Variants in RASAL2 observed in about 807,000 individuals in gnomAD.
The protein encoded by RASAL2 is RAS protein activator like 2, also known as ras GTPase-activating protein nGAP.
A neutral mutation model predicts 128.9 loss-of-function variants in RASAL2; 58 were observed. The ratio of observed to expected loss-of-function variants is 0.45; its 90% confidence interval spans 0.36 to 0.56. The LOEUF (loss-of-function observed/expected upper bound fraction) is 0.56. Ranked by LOEUF, RASAL2 falls within the 20% of genes least tolerant of loss-of-function variation. The probability of loss-of-function intolerance (pLI) is 0.00; values close to 1 mark genes in which losing one functional copy is unlikely to be tolerated. For missense variants in RASAL2, 1,360 were observed against 1,601.6 expected (o/e 0.85, Z 2.57); for synonymous variants, 561 against 580.8 (o/e 0.97, Z 0.49).
chr1:178,129,622 A>G (rs749033063), intron 1 of RASAL2, among the ~76,000 whole-genome samples: 1 of 152,066 alleles, frequency 6.6e-6, no homozygotes, highest in African/African-American at 2.4e-5. Context: ...TTCTTTTACA[A>G]TTGATGGTTT....
chr1:178,418,058 C>T (rs115959238), intron 4 of RASAL2, among the ~76,000 whole-genome samples: 195 of 152,142 alleles, frequency 1.3e-3, no homozygotes, highest in African/African-American at 4.6e-3. Flanking sequence ...GTACTAATGA[C>T]TGTGACTAAT....
chr1:178,116,509 T>A (rs1225797348), intron 1 of RASAL2, among the ~76,000 whole-genome samples: 1 of 152,114 alleles, frequency 6.6e-6, no homozygotes, highest in Non-Finnish European at 1.5e-5. Context: ...ATTATTTAGG[T>A]TATTAACCAT....
rs1558141859 is a variant in RASAL2, at chr1:178,250,420, AACCCC to A, written c.203-33140_203-33136del. Among the ~76,000 whole-genome samples the A allele has an allele frequency of 2.1e-4, 32 of 152,284 alleles. No homozygotes were observed. In the East Asian group the frequency reaches 5.8e-3, roughly 28 times the overall value. On this transcript the variant is annotated intron_variant, in intron 1 of 17. Coordinates refer to ENST00000367649, the MANE Select transcript of RASAL2 (RefSeq NM_170692.4). ...AAGCCTCAGCAATGGCGGACGCCCC[AACCCC>A]ACCAAGCTTGATCATCCCAGGTCGA...
intron 3 of RASAL2, among the ~76,000 whole-genome samples, chr1:178,355,855 A>G (rs1670776437): frequency 6.6e-6 from 1 of 152,218 alleles, no homozygotes; most frequent in Non-Finnish European, 1.5e-5. Flanking sequence ...GCTCAGCCTT[A>G]TCAAGGAATC....
In RASAL2 at chr1:178,155,533, A is replaced by G. The variant is rs568442459; in HGVS notation, c.202+60839A>G. On this transcript the variant is annotated intron_variant, in intron 1 of 17. Transcript: ENST00000367649. ...AGTTATAATTTACATTGCCTTAAAA[A>G]AAATCTGTTACTGTCTTCCAGGGAA... Among the ~76,000 whole-genome samples, 25 of 152,212 alleles carry G rather than the reference A, an allele frequency of 1.6e-4. No individual in the cohort carries two copies. The East Asian group carries it at 4.8e-3, about 29-fold the overall frequency.
intron 1 of RASAL2, among the ~76,000 whole-genome samples, chr1:178,157,919 A>T (rs1401575023): frequency 6.6e-5 from 10 of 152,148 alleles, no homozygotes; most frequent in Admixed American, 5.2e-4. Flanking sequence ...ACTGGTTTCA[A>T]CCCTACACAT....
chr1:178,198,352 C>T (rs1662746312), intron 1 of RASAL2, among the ~76,000 whole-genome samples: 1 of 152,202 alleles, frequency 6.6e-6, no homozygotes, highest in Non-Finnish European at 1.5e-5. Flanking sequence ...TCTCCACATC[C>T]TCTCCAGCAT....
At chr1:178,431,572 A>T (rs928584047) in intron 5 of RASAL2, among the ~76,000 whole-genome samples, 1 of 152,076 alleles carries the variant, frequency 6.6e-6, no homozygotes, top group Non-Finnish European at 1.5e-5. Context: ...GCAATTTCAC[A>T]TCTGAGAATT....
chr1:178,441,740 A>G, intron 7 of RASAL2, 93 bp downstream of exon 7: 3 of 928,100 alleles, frequency 3.2e-6, no homozygotes, highest in East Asian at 2.7e-5. Context: ...TAATTTGTCT[A>G]TAGCTTGAGA....
chr1:178,348,492 T>G (rs922736299), intron 3 of RASAL2, among the ~76,000 whole-genome samples: 12 of 151,986 alleles, frequency 7.9e-5, no homozygotes, highest in Non-Finnish European at 1.6e-4. Flanking sequence ...AAAGATGGGG[T>G]CTTGCTATCT....
intron 1 of RASAL2, among the ~76,000 whole-genome samples, chr1:178,242,689 T>G (rs1191952925): frequency 6.6e-6 from 1 of 152,114 alleles, no homozygotes; most frequent in African/African-American, 2.4e-5. Flanking sequence ...TTAGCTCTAC[T>G]TTCTTCTCTC....
chr1:178,452,890 A>G (rs1677484830), intron 11 of RASAL2, among the ~76,000 whole-genome samples: 2 of 152,206 alleles, frequency 1.3e-5, no homozygotes, highest in Non-Finnish European at 2.9e-5. Flanking sequence ...TACAAAAACT[A>G]TCTAATAATA....
intron 2 of RASAL2, among the ~76,000 whole-genome samples, chr1:178,289,633 CAT>C (rs1667186918): frequency 6.6e-6 from 1 of 152,066 alleles, no homozygotes; most frequent in Admixed American, 6.5e-5. Flanking sequence ...TCTCTAGACT[CAT>C]ATATCCATCT....
intron 1 of RASAL2, among the ~76,000 whole-genome samples, chr1:178,157,269 T>G (rs2101888720): frequency 6.6e-6 from 1 of 152,306 alleles, no homozygotes; most frequent in South Asian, 2.1e-4. Context: ...GTGGTCTAAG[T>G]ATTTTTACTG....
chr1:178,307,947 G>C (rs1394822741), intron 3 of RASAL2, among the ~76,000 whole-genome samples: 2 of 152,140 alleles, frequency 1.3e-5, no homozygotes, highest in Non-Finnish European at 2.9e-5. Context: ...TAAATCCGAG[G>C]CTTTCTCAGT....
chr1:178,142,081 C>T (rs775451580), intron 1 of RASAL2, among the ~76,000 whole-genome samples: 1 of 152,070 alleles, frequency 6.6e-6, no homozygotes, highest in Non-Finnish European at 1.5e-5. Context: ...CGAGGATCTA[C>T]GATTCTAGTT....
intron 2 of RASAL2, among the ~76,000 whole-genome samples, chr1:178,286,524 C>A (rs1667035233): frequency 6.6e-6 from 1 of 152,284 alleles, no homozygotes; most frequent in South Asian, 2.1e-4. Context: ...GATTCTCCTG[C>A]CTCAGCCTCC....
intron 1 of RASAL2, among the ~76,000 whole-genome samples, chr1:178,106,965 C>T (rs1026376906): frequency 1.3e-5 from 2 of 152,120 alleles, no homozygotes; most frequent in African/African-American, 2.4e-5. Flanking sequence ...TAATAAATTT[C>T]CTCATATATA....
intron 1 of RASAL2, among the ~76,000 whole-genome samples, chr1:178,180,693 G>A (rs1055286315): frequency 1.8e-3 from 38 of 20,960 alleles, no homozygotes; most frequent in Non-Finnish European, 3.8e-3. Context: ...ACACACACAC[G>A]ATTCTGAGAA....
Sources: gnomAD v4.1 joint callset for allele counts (sites outside exome capture counted in the v4.1 genomes callset) on GRCh38, gnomAD v4.1.1 for gene constraint, MANE v1.5 for transcripts, NCBI Gene and HGNC (gene_info 2026-07-23, HGNC 2026-07-21) for gene names.